TSPAN5: variants seen among roughly 807,000 people sequenced by gnomAD.
TSPAN5 encodes the protein tetraspanin 5.
Under a neutral mutation model 37.1 loss-of-function variants are expected in TSPAN5, and 10 were observed. That is an observed-to-expected ratio of 0.27 (90% CI 0.17 to 0.46). The LOEUF is 0.46. Ranked by LOEUF, TSPAN5 falls within the 20% of genes least tolerant of loss-of-function variation. The pLI is 1.00. For missense variants in TSPAN5, 195 were observed against 326.6 expected, an observed-to-expected ratio of 0.60 and a Z score of 3.11; for synonymous variants, 110 against 118.9, an observed-to-expected ratio of 0.93 and a Z score of 0.48.
At chr4:98,640,960 T>C (rs1756952940) in intron 1 of TSPAN5, among the ~76,000 whole-genome samples, 1 of 152,178 alleles carries the variant, frequency 6.6e-6, no homozygotes, top group African/African-American at 2.4e-5. Flanking sequence ...TACCCACTTT[T>C]TGCCCAAAAG....
intron 1 of TSPAN5, among the ~76,000 whole-genome samples, chr4:98,619,938 C>T (rs1560562594): frequency 6.6e-6 from 1 of 152,130 alleles, no homozygotes; most frequent in African/African-American, 2.4e-5. Context: ...CCCTTAGGAT[C>T]TAATTACCTC....
intron 1 of TSPAN5, among the ~76,000 whole-genome samples, chr4:98,632,750 GAC>G (rs1756775442): frequency 6.6e-6 from 1 of 152,192 alleles, no homozygotes; most frequent in African/African-American, 2.4e-5. Flanking sequence ...TGGGTGGTAT[GAC>G]AGAATATTCC....
chr4:98,498,884 T>A (rs1366801190), intron 2 of TSPAN5, among the ~76,000 whole-genome samples: 1 of 152,108 alleles, frequency 6.6e-6, no homozygotes, highest in Non-Finnish European at 1.5e-5. Context: ...CAATGGGCTG[T>A]TCTGGGGGCA....
chr4:98,638,318 T>C (rs1756899436), intron 1 of TSPAN5, among the ~76,000 whole-genome samples: 1 of 152,210 alleles, frequency 6.6e-6, no homozygotes, highest in Non-Finnish European at 1.5e-5. Context: ...CCTGGAGATA[T>C]ACTGGCCAGA....
intron 2 of TSPAN5, among the ~76,000 whole-genome samples, chr4:98,506,658 A>G (rs576157251): frequency 6.6e-6 from 1 of 152,302 alleles, no homozygotes; most frequent in South Asian, 2.1e-4. Flanking sequence ...AGGAACTCTC[A>G]GCTTCAGGCC....
At chr4:98,597,857 A>C (rs1327601232) in intron 1 of TSPAN5, among the ~76,000 whole-genome samples, 1 of 20,532 alleles carries the variant, frequency 4.9e-5, no homozygotes, top group Non-Finnish European at 7.8e-5. Flanking sequence ...AGACAGGGAC[A>C]CTTAAGTCTG....
At chr4:98,478,914 T>A in intron 4 of TSPAN5, 104 bp from the exon 5 acceptor site, 1 of 1,401,838 alleles carries the variant, frequency 7.1e-7, no homozygotes, top group Admixed American at 1.9e-5. Flanking sequence ...TCTGACCTTC[T>A]TTTCTGTCCT....
chr4:98,490,355 C>G (rs1238585811), intron 2 of TSPAN5, among the ~76,000 whole-genome samples: 2 of 152,304 alleles, frequency 1.3e-5, no homozygotes, highest in African/African-American at 4.8e-5. Context: ...AGATCATCTG[C>G]ACTCTCTGGG....
chr4:98,589,144 C>T (rs1755564502), intron 1 of TSPAN5, among the ~76,000 whole-genome samples: 2 of 152,130 alleles, frequency 1.3e-5, no homozygotes, highest in African/African-American at 4.8e-5. Context: ...AGAAAGTTCA[C>T]CCTAGATTAG....
chr4:98,517,005 C>A (rs1344855513), intron 1 of TSPAN5, among the ~76,000 whole-genome samples: 3 of 152,132 alleles, frequency 2.0e-5, no homozygotes, highest in African/African-American at 7.2e-5. Flanking sequence ...TATAAATCAC[C>A]CAGTCTCGGG....
intron 1 of TSPAN5, among the ~76,000 whole-genome samples, chr4:98,569,463 C>T (rs977847961): frequency 2.0e-5 from 3 of 152,156 alleles, no homozygotes; most frequent in South Asian, 2.1e-4. Context: ...TCTGCAGGGA[C>T]GTCCTATTAG....
chr4:98,590,926 A>G (rs1018233067), intron 1 of TSPAN5, among the ~76,000 whole-genome samples: 1 of 152,182 alleles, frequency 6.6e-6, no homozygotes, highest in Non-Finnish European at 1.5e-5. Context: ...AAGCAGGAAC[A>G]CACACTTTGG....
chr4:98,476,527 CAGA>C (rs778778821), intron 5 of TSPAN5, 67 bp from the exon 6 acceptor site: 23 of 1,472,412 alleles, frequency 1.6e-5, no homozygotes, highest in Non-Finnish European at 2.2e-5. Flanking sequence ...TAGAAATGAG[CAGA>C]AGACTTCTGT....
intron 1 of TSPAN5, among the ~76,000 whole-genome samples, chr4:98,521,189 C>T (rs1391085069): frequency 1.3e-5 from 2 of 152,196 alleles, no homozygotes; most frequent in Non-Finnish European, 2.9e-5. Context: ...CTCGGCTTCC[C>T]AAAGCACTGA....
chr4:98,567,221 G>A (rs1163436940), intron 1 of TSPAN5, among the ~76,000 whole-genome samples: 1 of 152,190 alleles, frequency 6.6e-6, no homozygotes, highest in Non-Finnish European at 1.5e-5. Context: ...CCCTCAAAGG[G>A]TTTATTGTCA....
At chr4:98,480,498 G>A (rs944174976) in intron 4 of TSPAN5, among the ~76,000 whole-genome samples, 10 of 152,152 alleles carry the variant, frequency 6.6e-5, no homozygotes, top group African/African-American at 2.4e-4. Flanking sequence ...TCACTTCCCT[G>A]GGATGCACTT....
chr4:98,616,940 C>A (rs574284809), intron 1 of TSPAN5, among the ~76,000 whole-genome samples: 1 of 151,684 alleles, frequency 6.6e-6, no homozygotes, highest in Non-Finnish European at 1.5e-5. Flanking sequence ...CCTCCCACCT[C>A]GACCTCCCGA....
chr4:98,618,563 T>C (rs1231098633), intron 1 of TSPAN5, among the ~76,000 whole-genome samples: 1 of 107,520 alleles, frequency 9.3e-6, no homozygotes, highest in Non-Finnish European at 1.9e-5. Flanking sequence ...CTAACACCTC[T>C]GTTATTACCT....
chr4:98,626,467 C>A (rs1756604685), intron 1 of TSPAN5, among the ~76,000 whole-genome samples: 1 of 152,144 alleles, frequency 6.6e-6, no homozygotes, highest in Admixed American at 6.5e-5. Flanking sequence ...AGTTTCTCAT[C>A]TCCCTCAGTG....
Sources: allele counts gnomAD v4.1 joint callset (sites outside exome capture counted in the v4.1 genomes callset), GRCh38; gene constraint gnomAD v4.1.1; transcripts MANE v1.5; gene names NCBI Gene and HGNC (gene_info 2026-07-23, HGNC 2026-07-21).